TANC2: variants seen among roughly 807,000 people sequenced by gnomAD.
TANC2 encodes the protein protein TANC2.
In TANC2, 26 loss-of-function variants were observed where a neutral mutation model predicts 210.5. That is an observed-to-expected ratio of 0.12 (90% confidence interval 0.09 to 0.17). TANC2 has a LOEUF of 0.17. TANC2 is among the 10% of genes least tolerant of loss of function. The pLI, the probability that TANC2 is intolerant of heterozygous loss-of-function variation, is 1.00. For synonymous variants in TANC2, 931 were observed against 967.1 expected (o/e 0.96, Z 0.69); for missense variants, 2,129 against 2,608.9 (o/e 0.82, Z 4.01).
intron 4 of TANC2, among the ~76,000 whole-genome samples, chr17:63,124,311 CAA>C (rs1304317785): frequency 6.6e-6 from 1 of 151,956 alleles, no homozygotes; most frequent in East Asian, 1.9e-4. Context: ...CTTTAAAAAA[CAA>C]ATGAGATGAA....
intron 14 of TANC2, among the ~76,000 whole-genome samples, chr17:63,358,976 T>TGTGTG (rs2046870033): frequency 6.8e-6 from 1 of 147,806 alleles, no homozygotes; most frequent in Non-Finnish European, 1.5e-5. Context: ...AGATTAATAT[T>TGTGTG]TGTGTGTGTG....
In TANC2 at chr17:63,232,878, C is replaced by T. The variant is rs189064016; in HGVS notation, c.770-4936C>T. 4.6e-5 allele frequency among the ~76,000 whole-genome samples: 7 copies of T among 152,312 alleles called. No individual in the cohort carries two copies. The South Asian group carries it at 6.2e-4, about 14-fold the overall frequency. The stretch of plus-strand genomic sequence containing the variant: ...GGAAAGACTAAGTCCGCTGATCAAC[C>T]GAGACTGCGGCTGCAACTGCGGCTG... On this transcript the variant is annotated intron_variant, in intron 7 of 27. Coordinates refer to ENST00000689528, the Ensembl canonical transcript of TANC2.
intron 4 of TANC2, among the ~76,000 whole-genome samples, chr17:63,138,908 T>C (rs1598458681): frequency 6.6e-6 from 1 of 152,334 alleles, no homozygotes; most frequent in East Asian, 1.9e-4. Flanking sequence ...TCTTCACAGA[T>C]TACACGTGTG....
At position 63,034,680 on chromosome 17, in the gene TANC2, A is replaced by G. The variant is rs145986901; in HGVS notation, c.67+25054A>G. On this transcript the variant is annotated intron_variant, in intron 2 of 27. Coordinates refer to ENST00000689528, the Ensembl canonical transcript of TANC2. ...GTCAACATTAACAGAAGTTTGGAAG[A>G]AGTTGATTCCAACCCTCATGGATAG... is the stretch of plus-strand genomic sequence containing the variant. 4.6e-4 allele frequency among the ~76,000 whole-genome samples: 70 copies of G among 152,302 alleles called. No homozygotes were observed. The East Asian group carries it at 0.014, about 29-fold the overall frequency.
chr17:63,180,389 T>G (rs993261932), intron 5 of TANC2, among the ~76,000 whole-genome samples: 8 of 152,196 alleles, frequency 5.3e-5, no homozygotes, highest in African/African-American at 1.7e-4. Context: ...TTGGAAAGAT[T>G]CATTTTAGAT....
Position 63,420,108 on chromosome 17 carries a change from C to A in TANC2, c.4378C>A (p.Gln1460Lys). The A allele has an allele frequency of 1.3e-6, 2 of 1,551,956 alleles. No individual in the cohort carries two copies. The highest frequency in any genetic ancestry group is 1.7e-6 in the Non-Finnish European group (2 of 1,147,176). Residue 1460 changes from glutamine (Q) to lysine (K), a missense_variant, in exon 28 of 28, where the codon CAG becomes AAG. Gln to Lys is a moderately conservative substitution (Grantham distance 53, BLOSUM62 1). This residue lies in a region of TANC2 where 584 missense variants were observed against 627.3 expected (regional missense o/e 0.93). Transcript: ENST00000689528. This position sits in a 1 kb window ranked among gnomAD's most constrained non-coding sequence, Gnocchi z 4.2. ...AGTGGAAGAAGAGTGTAGACAGATG[C>A]AGCAGCCACAGCAGCCACCGCCGCC...
chr17:63,318,076 T>G (rs139614824), intron 10 of TANC2, among the ~76,000 whole-genome samples: 27 of 152,298 alleles, frequency 1.8e-4, no homozygotes, highest in Non-Finnish European at 3.1e-4. Flanking sequence ...ACCAAGAAAT[T>G]TACTGCACCA....
intron 1 of TANC2, among the ~76,000 whole-genome samples, chr17:63,001,137 TCTG>T (rs1450852183): frequency 6.6e-6 from 1 of 152,226 alleles, no homozygotes; most frequent in Non-Finnish European, 1.5e-5. Flanking sequence ...ATAATGATAA[TCTG>T]CACTCATTTT....
At chr17:63,413,036 T>A (rs2048752252) in intron 24 of TANC2, 1 of 324,210 alleles carries the variant, frequency 3.1e-6, no homozygotes, top group Non-Finnish European at 5.6e-6. Flanking sequence ...TGCTTCAAAG[T>A]GAATCCCGGG....
At chr17:63,262,936 C>A (rs1328505339) in intron 8 of TANC2, among the ~76,000 whole-genome samples, 1 of 152,078 alleles carries the variant, frequency 6.6e-6, no homozygotes, top group Non-Finnish European at 1.5e-5. Context: ...AATACTTTTG[C>A]TACTCTTTTA....
At chr17:63,340,759 A>G (rs971256003) in intron 12 of TANC2, among the ~76,000 whole-genome samples, 7 of 152,216 alleles carry the variant, frequency 4.6e-5, no homozygotes, top group African/African-American at 1.7e-4. Context: ...AATGGCCTCC[A>G]TGGTTACACA....
At chr17:63,022,812 G>A (rs2034404883) in intron 2 of TANC2, among the ~76,000 whole-genome samples, 1 of 152,158 alleles carries the variant, frequency 6.6e-6, no homozygotes, top group Admixed American at 6.5e-5. Context: ...CACCAGCTGT[G>A]TGGCTCAAGT....
exon 28 of TANC2, chr17:63,422,616 G>T (rs1217210768): frequency 6.6e-6 from 1 of 152,198 alleles, no homozygotes; most frequent in Admixed American, 6.5e-5. Context: ...TTTCCAAGAG[G>T]CATTGTAGGA....
At chr17:63,041,024 T>C (rs1300432623) in intron 2 of TANC2, among the ~76,000 whole-genome samples, 4 of 152,222 alleles carry the variant, frequency 2.6e-5, no homozygotes, top group South Asian at 2.1e-4. Context: ...AACAACTGTA[T>C]GGCTGGCTGG....
At chr17:63,306,406 ACT>A (rs759264846) in intron 9 of TANC2, among the ~76,000 whole-genome samples, 24 of 152,214 alleles carry the variant, frequency 1.6e-4, no homozygotes, top group Non-Finnish European at 2.1e-4. Flanking sequence ...TTTTAATAAA[ACT>A]CTCTTGATTC....
chr17:63,344,048 C>T (rs565594383), intron 12 of TANC2, among the ~76,000 whole-genome samples: 22 of 152,292 alleles, frequency 1.4e-4, no homozygotes, highest in African/African-American at 3.4e-4. Context: ...GATATAGGTC[C>T]GTGGCCTGTT....
chr17:63,110,117 AT>A (rs1271980090), intron 4 of TANC2, among the ~76,000 whole-genome samples: 8 of 151,428 alleles, frequency 5.3e-5, no homozygotes, highest in South Asian at 4.2e-4. Flanking sequence ...TTCAGTGAGC[AT>A]TTTTTTTCTT....
intron 7 of TANC2, among the ~76,000 whole-genome samples, chr17:63,235,745 A>G (rs1435783486): frequency 1.3e-5 from 2 of 151,140 alleles, no homozygotes; most frequent in African/African-American, 2.5e-5. Flanking sequence ...TTCTTTTGGC[A>G]ATAGGTACAT....
chr17:62,993,247 G>A (rs1021954403), intron 1 of TANC2, among the ~76,000 whole-genome samples: 2 of 152,272 alleles, frequency 1.3e-5, no homozygotes, highest in African/African-American at 4.8e-5. Flanking sequence ...GGTCACCTTT[G>A]GGGAACCTCT....
Sources: allele counts gnomAD v4.1 joint callset (sites outside exome capture counted in the v4.1 genomes callset), GRCh38; gene constraint gnomAD v4.1.1; regional missense constraint gnomAD v4.1.1; non-coding constraint Gnocchi (gnomAD v3.1); transcripts MANE v1.5; gene names NCBI Gene and HGNC (gene_info 2026-07-23, HGNC 2026-07-21).